Variants in RABGAP1L observed in about 807,000 individuals in gnomAD.
RABGAP1L encodes the protein RAB GTPase activating protein 1 like, also known as rab GTPase-activating protein 1-like.
In RABGAP1L, 63 loss-of-function variants were observed where a neutral mutation model predicts 137.7. The observed-to-expected ratio is 0.46, with a 90% CI of 0.37 to 0.56. The LOEUF (loss-of-function observed/expected upper bound fraction) is 0.56, where lower values mean the gene tolerates loss of function less well. RABGAP1L is among the 20% of genes least tolerant of loss of function. RABGAP1L has a pLI of 0.00. For missense variants in RABGAP1L, 1,095 were observed against 1,244.0 expected, an observed-to-expected ratio of 0.88 and a Z score of 1.80; for synonymous variants, 431 against 433.7, an observed-to-expected ratio of 0.99 and a Z score of 0.08.
At chr1:174,221,201 G>A in intron 3 of RABGAP1L, 37 bp downstream of exon 3, 1 of 1,385,414 alleles carries the variant, frequency 7.2e-7, no homozygotes. Flanking sequence ...TTAAAGAAAT[G>A]GGATAAAGTA....
intron 4 of RABGAP1L, among the ~76,000 whole-genome samples, chr1:174,232,511 C>T (rs1201725057): frequency 6.7e-5 from 10 of 148,484 alleles, no homozygotes; most frequent in Admixed American, 2.0e-4. Context: ...TGGCCGGGCG[C>T]GGTGGCTCAA....
chr1:174,346,042 AGATT>A (rs1245824031), intron 11 of RABGAP1L, among the ~76,000 whole-genome samples: 2 of 152,154 alleles, frequency 1.3e-5, no homozygotes, highest in Non-Finnish European at 2.9e-5. Flanking sequence ...ATAATGTATC[AGATT>A]GATTGATTTG....
chr1:174,860,551 G>C (rs1039082319), intron 19 of RABGAP1L, among the ~76,000 whole-genome samples: 1 of 152,074 alleles, frequency 6.6e-6, no homozygotes, highest in African/African-American at 2.4e-5. Context: ...TAATAAAACT[G>C]TATATTCCAC....
At chr1:174,402,136 T>C (rs1176297773) in intron 13 of RABGAP1L, among the ~76,000 whole-genome samples, 3 of 152,174 alleles carry the variant, frequency 2.0e-5, no homozygotes, top group African/African-American at 7.2e-5. Context: ...TCTAGTGCTT[T>C]CATATATCCT....
chr1:174,875,769 T>C (rs964604367), intron 19 of RABGAP1L: 2 of 913,398 alleles, frequency 2.2e-6, no homozygotes, highest in South Asian at 5.0e-5. Flanking sequence ...CATTTAATTT[T>C]TACCTGGTTA....
intron 1 of RABGAP1L, among the ~76,000 whole-genome samples, chr1:174,203,215 C>T (rs1668257660): frequency 6.6e-6 from 1 of 152,102 alleles, no homozygotes; most frequent in South Asian, 2.1e-4. Flanking sequence ...CTTCAGTGTT[C>T]TGTGTGTGGC....
chr1:174,321,207 C>T (rs1451649461), intron 11 of RABGAP1L, among the ~76,000 whole-genome samples: 1 of 152,160 alleles, frequency 6.6e-6, no homozygotes, highest in Non-Finnish European at 1.5e-5. Flanking sequence ...GATTGTCTGC[C>T]TTCAAACTCT....
intron 13 of RABGAP1L, among the ~76,000 whole-genome samples, chr1:174,533,988 A>C (rs1385728502): frequency 6.6e-6 from 1 of 152,022 alleles, no homozygotes; most frequent in African/African-American, 2.4e-5. Flanking sequence ...ATATGTGTTA[A>C]TCAACTGTTT....
rs1336351667 is a variant in RABGAP1L, at chr1:174,550,881, T to C, written c.1711-86494T>C. On this transcript the variant is annotated intron_variant, in intron 13 of 25. Transcript: ENST00000681986. Reference sequence around the variant, plus strand: ...AAATATATATATATATATATATATATATATATATATATATACACACACACA... The same window carrying C: ...AAATATATATATATATATATATATACATATATATATATATACACACACACA... Among the ~76,000 whole-genome samples the C allele has an allele frequency of 1.2e-3, 84 of 70,104 alleles. 4 individuals are homozygous for C. Among genetic ancestry groups the C allele is most frequent in the African/African-American group, 4.7e-3 (52 of 11,128 alleles). 46.0% of individuals were successfully genotyped at this position (70,104 alleles called of 152,430 possible).
intron 14 of RABGAP1L, among the ~76,000 whole-genome samples, chr1:174,646,329 A>T (rs1004043374): frequency 1.3e-5 from 2 of 151,792 alleles, no homozygotes; most frequent in Admixed American, 1.3e-4. Context: ...TTCTTCTAGG[A>T]TTTTTATGGT....
At chr1:174,946,940 A>G (rs7514513) in intron 19 of RABGAP1L, among the ~76,000 whole-genome samples, 6,517 of 60,714 alleles carry the variant, frequency 0.11, 405 homozygotes, top group Non-Finnish European at 0.12. Context: ...ATATATATAT[A>G]TGTGTGTGTG....
At chr1:174,551,854 A>G (rs1572292605) in intron 13 of RABGAP1L, among the ~76,000 whole-genome samples, 1 of 152,174 alleles carries the variant, frequency 6.6e-6, no homozygotes, top group Non-Finnish European at 1.5e-5. Flanking sequence ...AATAGTGGAT[A>G]TCAGTACAGA....
intron 7 of RABGAP1L, among the ~76,000 whole-genome samples, chr1:174,258,155 T>C (rs1435555547): frequency 6.6e-6 from 1 of 152,248 alleles, no homozygotes; most frequent in African/African-American, 2.4e-5. Context: ...TGGATTTTTC[T>C]ATATTGGTAA....
At chr1:174,269,268 C>T (rs528461791) in intron 7 of RABGAP1L, among the ~76,000 whole-genome samples, 1 of 152,316 alleles carries the variant, frequency 6.6e-6, no homozygotes, top group Admixed American at 6.5e-5. Context: ...TTTTTCATGT[C>T]GAGTTTACGT....
intron 15 of RABGAP1L, among the ~76,000 whole-genome samples, chr1:174,699,179 G>A (rs1235462518): frequency 6.6e-6 from 1 of 151,932 alleles, no homozygotes; most frequent in Non-Finnish European, 1.5e-5. Flanking sequence ...TCTTTGTAGA[G>A]ACAGGGTTTT....
intron 7 of RABGAP1L, among the ~76,000 whole-genome samples, chr1:174,268,143 T>G (rs1342364634): frequency 1.3e-5 from 2 of 152,212 alleles, no homozygotes; most frequent in Non-Finnish European, 2.9e-5. Flanking sequence ...TGTGATTGCA[T>G]TATAGATTTT....
chr1:174,517,475 T>C (rs539890185), intron 13 of RABGAP1L, among the ~76,000 whole-genome samples: 1 of 152,278 alleles, frequency 6.6e-6, no homozygotes, highest in African/African-American at 2.4e-5. Context: ...ACAAATTATA[T>C]CACTGCAGTT....
At chr1:174,503,900 T>G (rs933327930) in intron 13 of RABGAP1L, among the ~76,000 whole-genome samples, 2 of 151,582 alleles carry the variant, frequency 1.3e-5, no homozygotes, top group African/African-American at 4.8e-5. Context: ...GTTCATAGAT[T>G]AGAAGAATTA....
chr1:174,231,936 T>G (rs1270381674), intron 4 of RABGAP1L, among the ~76,000 whole-genome samples: 2 of 152,148 alleles, frequency 1.3e-5, no homozygotes, highest in Non-Finnish European at 2.9e-5. Context: ...GACATGAGAT[T>G]TAGACGGAGC....
Sources: allele counts gnomAD v4.1 joint callset (sites outside exome capture counted in the v4.1 genomes callset), GRCh38; gene constraint gnomAD v4.1.1; transcripts MANE v1.5; gene names NCBI Gene and HGNC (gene_info 2026-07-23, HGNC 2026-07-21).